GRIK3: variants seen among roughly 807,000 people sequenced by gnomAD.
GRIK3 encodes the protein glutamate receptor ionotropic, kainate 3.
In GRIK3, 29 loss-of-function variants were observed where a neutral mutation model predicts 102.5. That is an observed-to-expected ratio of 0.28 (90% CI 0.21 to 0.39). GRIK3 has a LOEUF of 0.39. Among genes scored for constraint, GRIK3 ranks in the 10% least tolerant of loss-of-function variants. GRIK3 has a pLI of 1.00. For synonymous variants in GRIK3, 511 were observed against 504.9 expected (o/e 1.01, Z -0.16); for missense variants, 908 against 1,252.4 (o/e 0.73, Z 4.15).
At chr1:36,805,286 C>T (rs765692251) in intron 14 of GRIK3, 49 bp from the exon 15 acceptor site, 1 of 1,553,952 alleles carries the variant, frequency 6.4e-7, no homozygotes, top group Non-Finnish European at 8.7e-7. Flanking sequence ...GTGGCCCATT[C>T]TGTGTTTGGC....
At chr1:36,879,180 G>A (rs756482833) in intron 3 of GRIK3, among the ~76,000 whole-genome samples, 1 of 152,102 alleles carries the variant, frequency 6.6e-6, no homozygotes, top group Non-Finnish European at 1.5e-5. Flanking sequence ...TCCCTACAAT[G>A]TAGTGCTTGC....
At chr1:36,863,218 C>G (rs1410396002) in intron 5 of GRIK3, among the ~76,000 whole-genome samples, 2 of 151,998 alleles carry the variant, frequency 1.3e-5, no homozygotes, top group Non-Finnish European at 2.9e-5. Context: ...GCTCCAGAGC[C>G]CTCCCTCTTC....
chr1:36,852,976 T>C (rs1640602962), intron 8 of GRIK3, among the ~76,000 whole-genome samples: 1 of 152,220 alleles, frequency 6.6e-6, no homozygotes, highest in African/African-American at 2.4e-5. Flanking sequence ...AACATCTCTA[T>C]GTTAGCCAGA....
chr1:36,803,137 G>C (rs188431253), intron 15 of GRIK3, among the ~76,000 whole-genome samples: 61 of 152,282 alleles, frequency 4.0e-4, no homozygotes, highest in African/African-American at 1.4e-3. Flanking sequence ...AAATGGGATA[G>C]AGAGGGGCTG....
At chr1:36,988,001 G>A (rs1340168396) in intron 1 of GRIK3, among the ~76,000 whole-genome samples, 1 of 152,142 alleles carries the variant, frequency 6.6e-6, no homozygotes, top group Admixed American at 6.5e-5. Context: ...ACGAAAACCT[G>A]AGCCTGAGGC....
intron 13 of GRIK3, among the ~76,000 whole-genome samples, chr1:36,807,385 G>T (rs1194895292): frequency 6.6e-6 from 1 of 152,124 alleles, no homozygotes; most frequent in Non-Finnish European, 1.5e-5. Context: ...CCCTGTCCTG[G>T]CTGATCTCAG....
In GRIK3 at chr1:36,968,702, C is replaced by T. The variant is rs504705; in HGVS notation, c.115+65292G>A. On this transcript the variant is annotated intron_variant, in intron 1 of 15. Transcript: ENST00000373091. ...GCTGGCCCCACCTGCCACAGCTCCA[C>T]GTGGGGCAAGGCCAGGACTTGCTGG... Among the ~76,000 whole-genome samples, 367 of 152,294 alleles carry T rather than the reference C, an allele frequency of 2.4e-3. 4 individuals carry two copies. Among genetic ancestry groups the T allele is most frequent in the African/African-American group, 8.4e-3 (350 of 41,558 alleles).
At chr1:36,842,623 C>T (rs531645436) in intron 9 of GRIK3, among the ~76,000 whole-genome samples, 8 of 152,016 alleles carry the variant, frequency 5.3e-5, no homozygotes, top group East Asian at 1.9e-4. Flanking sequence ...GACAGCTCAT[C>T]GGTAGGTGGC....
intron 1 of GRIK3, among the ~76,000 whole-genome samples, chr1:36,961,215 G>A (rs1024980510): frequency 4.8e-4 from 73 of 152,296 alleles, no homozygotes; most frequent in African/African-American, 1.7e-3. Context: ...TCACTCAGCC[G>A]CCTGCCCTCA....
chr1:36,807,308 C>G (rs906395048), intron 13 of GRIK3, among the ~76,000 whole-genome samples: 5 of 152,074 alleles, frequency 3.3e-5, no homozygotes, highest in Non-Finnish European at 7.4e-5. Flanking sequence ...GACCAGGGTG[C>G]ACGGCATTCA....
In GRIK3 at chr1:36,805,059, C is replaced by G; in HGVS notation, c.2493G>C (p.Gly831=). 1 of 1,614,204 alleles carries G rather than the reference C, an allele frequency of 6.2e-7. No individual in the cohort carries two copies. Among genetic ancestry groups the G allele is most frequent in the Non-Finnish European group, 8.5e-7 (1 of 1,180,026 alleles). Reference sequence around the variant, plus strand: ...CGGCCACCAGCACAGAGAGGACCAGCCCGGCGGCCAGGACAATGAAGATGC... The same window carrying G: ...CGGCCACCAGCACAGAGAGGACCAGGCCGGCGGCCAGGACAATGAAGATGC... The part of the protein sequence containing the change: ...IGGIFIVLAA[G]LVLSVLVAVG... The change falls in exon 15 of 16, where the codon GGG becomes GGC. Residue 831 remains glycine, a synonymous_variant. Transcript: ENST00000373091.
At chr1:36,810,428 T>C (rs978489908) in intron 13 of GRIK3, among the ~76,000 whole-genome samples, 7 of 152,200 alleles carry the variant, frequency 4.6e-5, no homozygotes, top group African/African-American at 1.7e-4. Flanking sequence ...ACAGAGATGC[T>C]TTTTTTATCA....
intron 1 of GRIK3, among the ~76,000 whole-genome samples, chr1:36,993,396 G>C (rs1386789574): frequency 6.6e-6 from 1 of 152,122 alleles, no homozygotes; most frequent in African/African-American, 2.4e-5. Context: ...CTGAGTTGCT[G>C]GGACTACAGG....
At chr1:36,964,575 A>C (rs1642060135) in intron 1 of GRIK3, among the ~76,000 whole-genome samples, 1 of 152,186 alleles carries the variant, frequency 6.6e-6, no homozygotes, top group South Asian at 2.1e-4. Context: ...TTCATCTTTT[A>C]TAGTTTTCAG....
At chr1:36,933,084 C>CT (rs533549620) in intron 1 of GRIK3, among the ~76,000 whole-genome samples, 105 of 152,158 alleles carry the variant, frequency 6.9e-4, no homozygotes, top group Admixed American at 1.9e-3. Flanking sequence ...TCTGAGCTAT[C>CT]TTTTTTTTGT....
rs767828833 is a variant in GRIK3, at chr1:36,806,211, A to G, written c.2207T>C (p.Leu736Pro). 2 of 1,614,010 alleles carry G rather than the reference A, an allele frequency of 1.2e-6. No homozygotes were observed. The highest frequency in any genetic ancestry group is 1.7e-6 in the Non-Finnish European group (2 of 1,179,974). The change falls in exon 14 of 16, where the codon CTG (leucine) becomes CCG (proline). Residue 736 changes from leucine to proline, a missense_variant. Coordinates refer to ENST00000373091, the MANE Select transcript of GRIK3 (RefSeq NM_000831.4). The surrounding 1 kb of genome is among the most constrained non-coding windows in gnomAD (Gnocchi z 4.0). ...IQRALTADYA[L>P]LMESTTIEYV... ...CTCGATGGTGGTGGACTCCATGAGCAGCGCGTAGTCGGCCGTCAGGGCCCT... is the reference window on the plus strand; with the variant it reads ...CTCGATGGTGGTGGACTCCATGAGCGGCGCGTAGTCGGCCGTCAGGGCCCT...
At chr1:37,014,834 CTCTTT>C (rs199882166) in intron 1 of GRIK3, among the ~76,000 whole-genome samples, 1 of 147,454 alleles carries the variant, frequency 6.8e-6, no homozygotes, top group African/African-American at 2.6e-5. Flanking sequence ...GCCATTTAGC[CTCTTT>C]TCTTATCTTT....
intron 1 of GRIK3, among the ~76,000 whole-genome samples, chr1:37,023,624 T>C (rs1288939936): frequency 6.6e-6 from 1 of 152,220 alleles, no homozygotes; most frequent in Non-Finnish European, 1.5e-5. Flanking sequence ...TCATTTTCTT[T>C]TTAATGTGTT....
At chr1:36,868,018 G>A (rs1345740860) in intron 5 of GRIK3, among the ~76,000 whole-genome samples, 2 of 152,166 alleles carry the variant, frequency 1.3e-5, no homozygotes, top group East Asian at 1.9e-4. Context: ...TACCTTCCAC[G>A]TTAATGCCAT....
Sources: gnomAD v4.1 joint callset for allele counts (sites outside exome capture counted in the v4.1 genomes callset) on GRCh38, gnomAD v4.1.1 for gene constraint, Gnocchi (gnomAD v3.1) non-coding constraint, MANE v1.5 for transcripts, NCBI Gene and HGNC (gene_info 2026-07-23, HGNC 2026-07-21) for gene names.